Variants in GNA13 observed in about 807,000 individuals in gnomAD.
The protein encoded by GNA13 is G protein subunit alpha 13, also known as guanine nucleotide-binding protein subunit alpha-13.
GNA13 carries 4 observed loss-of-function variants against 33.5 expected under a neutral mutation model. The ratio of observed to expected loss-of-function variants is 0.12; its 90% CI spans 0.06 to 0.27. The LOEUF is 0.27. GNA13 is among the 10% of genes least tolerant of loss of function. GNA13 has a pLI of 1.00. For synonymous variants in GNA13, 176 were observed against 183.8 expected (o/e 0.96, Z 0.34); for missense variants, 319 against 487.2 (o/e 0.65, Z 3.25).
chr17:65,042,694 G>A (rs1406795062), intron 2 of GNA13, among the ~76,000 whole-genome samples: 5 of 151,898 alleles, frequency 3.3e-5, no homozygotes, highest in South Asian at 4.2e-4. Context: ...CCAAGACCGC[G>A]CCACTGCACT....
chr17:65,022,349 G>C (rs1906611480), intron 2 of GNA13, among the ~76,000 whole-genome samples: 1 of 149,390 alleles, frequency 6.7e-6, no homozygotes, highest in Non-Finnish European at 1.5e-5. Flanking sequence ...CAGTGACACA[G>C]TTATAACTTG....
intron 2 of GNA13, among the ~76,000 whole-genome samples, chr17:65,051,615 C>CA (rs760678521): frequency 5.0e-4 from 76 of 150,630 alleles, no homozygotes; most frequent in Admixed American, 9.2e-4. Flanking sequence ...CAAAAAAATG[C>CA]AAAAAAACAA....
At chr17:65,050,311 A>G (rs1907817252) in intron 2 of GNA13, among the ~76,000 whole-genome samples, 1 of 152,204 alleles carries the variant, frequency 6.6e-6, no homozygotes, top group South Asian at 2.1e-4. Context: ...CTTTGAGGAA[A>G]ATTTTAAGTA....
At chr17:65,045,042 C>CAAAAAAAAAAAAAAAA (rs1244382117) in intron 2 of GNA13, among the ~76,000 whole-genome samples, 1 of 53,288 alleles carries the variant, frequency 1.9e-5, no homozygotes. Flanking sequence ...GACTCCATCT[C>CAAAAAAAAAAAAAAAA]AAAAAAAAAA....
At chr17:65,041,456 C>A (rs1907450296) in intron 2 of GNA13, among the ~76,000 whole-genome samples, 1 of 151,024 alleles carries the variant, frequency 6.6e-6, no homozygotes, top group African/African-American at 2.4e-5. Flanking sequence ...GGTTTTTATA[C>A]AAAATAGTCA....
At chr17:65,024,014 G>A (rs567223536) in intron 2 of GNA13, among the ~76,000 whole-genome samples, 5 of 152,340 alleles carry the variant, frequency 3.3e-5, no homozygotes, top group African/African-American at 9.6e-5. Flanking sequence ...ACTTTGGGAG[G>A]ACGCCAAAGC....
chr17:65,053,622 G>A lies in GNA13; in HGVS notation c.390C>T (p.Pro130=), dbSNP rs373182533. Residue 130 remains proline, a synonymous_variant, in exon 2 of 4, where the codon CCC becomes CCT. Transcript: ENST00000439174. ...TTTCCACCATTCCTTGGGCTGCCAT[G>A]GGGGCCCGGGTATCAAACGACATCA... ...DKMMSFDTRA[P]MAAQGMVETR... 150 of 1,613,450 alleles carry A rather than the reference G, an allele frequency of 9.3e-5. 1 individual carries two copies. Among genetic ancestry groups the A allele is most frequent in the Middle Eastern group, 8.3e-4 (5 of 6,058 alleles).
intron 3 of GNA13, among the ~76,000 whole-genome samples, chr17:65,015,662 TAAAAAAAAAA>T (rs59210481): frequency 1.3e-5 from 1 of 74,700 alleles, no homozygotes; most frequent in Admixed American, 1.9e-4. Flanking sequence ...GACTTTGTCT[TAAAAAAAAAA>T]AAAAAAAAAA....
At chr17:65,036,648 G>A (rs1907261562) in intron 2 of GNA13, among the ~76,000 whole-genome samples, 1 of 152,254 alleles carries the variant, frequency 6.6e-6, no homozygotes, top group African/African-American at 2.4e-5. Flanking sequence ...AGAGGTTGGA[G>A]TGAGCCTACA....
Position 65,018,301 on chromosome 17 carries a change from A to AC in GNA13, c.512dup (p.Glu172Ter). The AC allele has an allele frequency of 6.8e-7, 1 of 1,465,400 alleles. No individual in the cohort carries two copies. 90.8% of individuals were successfully genotyped at this position (1,465,400 alleles called of 1,614,324 possible). A position where few individuals can be genotyped will look rare whatever the true frequency, so the allele number is the denominator to read the frequency against. Reference sequence around the variant, plus strand: ...TATCCAGGAAATATTTTACAGATTCACCCTAAAAACAAGAAGAAAACAAAT... The same window carrying AC: ...TATCCAGGAAATATTTTACAGATTCACCCCTAAAAACAAGAAGAAAACAAAT... On this transcript the variant is annotated frameshift_variant and splice_region_variant, in exon 3 of 4. Transcript: ENST00000439174. LOFTEE classifies it high-confidence loss of function.
intron 2 of GNA13, among the ~76,000 whole-genome samples, chr17:65,023,711 T>C (rs1026680254): frequency 3.9e-5 from 6 of 152,228 alleles, no homozygotes; most frequent in Admixed American, 2.0e-4. Context: ...TCCATTCCCA[T>C]ACAAATTTCC....
chr17:65,015,074 T>C (rs1373353350), intron 3 of GNA13, among the ~76,000 whole-genome samples: 1 of 151,522 alleles, frequency 6.6e-6, no homozygotes, highest in Non-Finnish European at 1.5e-5. Context: ...TTTGAGAATA[T>C]CCTGGGCAAT....
chr17:65,054,542 C>T (rs1346665075), intron 1 of GNA13, among the ~76,000 whole-genome samples: 1 of 152,188 alleles, frequency 6.6e-6, no homozygotes, highest in African/African-American at 2.4e-5. Context: ...AACTCCTGGG[C>T]TCAAGCCATC....
intron 2 of GNA13, among the ~76,000 whole-genome samples, chr17:65,041,656 C>T (rs1008155527): frequency 4.6e-5 from 7 of 151,910 alleles, no homozygotes; most frequent in African/African-American, 1.7e-4. Context: ...TGTGTGTGCA[C>T]GTGGAAGGGG....
Position 65,018,138 on chromosome 17 carries a change from A to AAAAAAAAAAAAAG in GNA13, c.561+114_561+115insCTTTTTTTTTTTT, listed in dbSNP as rs1555600538. On this transcript the variant is annotated intron_variant, in intron 3 of 3. Coordinates refer to ENST00000439174, the MANE Select transcript of GNA13 (RefSeq NM_006572.6). ...AAAAAAAAAAAAAAAAAAAAAAAAAAAGAGAGAAAGAAGCAAATAGCTTAA... is the reference window on the plus strand; with the variant it reads ...AAAAAAAAAAAAAAAAAAAAAAAAAAAAAAAAAAAAAAGAGAGAGAAAGAAGCAAATAGCTTAA... 4.3e-5 allele frequency: 3 copies of AAAAAAAAAAAAAG among 69,632 alleles called. 1 individual carries two copies. The highest frequency in any genetic ancestry group is 1.2e-4 in the African/African-American group (2 of 16,176). 4.3% of individuals were successfully genotyped at this position (69,632 alleles called of 1,614,324 possible). A position where few individuals can be genotyped will look rare whatever the true frequency, so the allele number is the denominator to read the frequency against.
At chr17:65,040,857 T>C (rs1054272578) in intron 2 of GNA13, among the ~76,000 whole-genome samples, 2 of 152,228 alleles carry the variant, frequency 1.3e-5, no homozygotes, top group African/African-American at 2.4e-5. Context: ...TATACCCCCG[T>C]ACATTCTCTC....
chr17:65,054,439 G>A (rs896376685), intron 1 of GNA13, among the ~76,000 whole-genome samples: 1 of 152,112 alleles, frequency 6.6e-6, no homozygotes, highest in African/African-American at 2.4e-5. Context: ...TGGCTATTAG[G>A]AAGTCATCTG....
intron 3 of GNA13, among the ~76,000 whole-genome samples, chr17:65,015,530 G>T (rs1191116993): frequency 6.6e-6 from 1 of 152,010 alleles, no homozygotes; most frequent in Non-Finnish European, 1.5e-5. Flanking sequence ...AGGTGTGGTG[G>T]CGGGCGCCTG....
At chr17:65,043,333 G>T (rs1427215127) in intron 2 of GNA13, among the ~76,000 whole-genome samples, 1 of 151,518 alleles carries the variant, frequency 6.6e-6, no homozygotes, top group Non-Finnish European at 1.5e-5. Context: ...TGTCTCCCAG[G>T]CTGGAGTGCA....
Sources: gnomAD v4.1 joint callset for allele counts (sites outside exome capture counted in the v4.1 genomes callset) on GRCh38, gnomAD v4.1.1 for gene constraint, MANE v1.5 for transcripts, NCBI Gene and HGNC (gene_info 2026-07-23, HGNC 2026-07-21) for gene names.